Variants in VGLL3 observed in about 807,000 individuals in gnomAD.
VGLL3 encodes the protein transcription cofactor vestigial-like protein 3.
In VGLL3, 18 loss-of-function variants were observed where a neutral mutation model predicts 29.2. That is an observed-to-expected ratio of 0.62 (90% CI 0.43 to 0.91). The LOEUF is 0.91. VGLL3 is among the 40% of genes least tolerant of loss of function. VGLL3 has a pLI of 0.00. For missense variants in VGLL3, 440 were observed against 413.2 expected (o/e 1.06, Z -0.56); for synonymous variants, 180 against 151.8 (o/e 1.19, Z -1.36).
At chr3:86,962,625 A>G (rs188130947) in intron 3 of VGLL3, 15 of 917,490 alleles carry the variant, frequency 1.6e-5, no homozygotes, top group Middle Eastern at 5.6e-4. Context: ...AATTCAAAAA[A>G]TATAGAAATA....
chr3:86,962,220 C>T (rs1704864020), intron 3 of VGLL3: 2 of 985,284 alleles, frequency 2.0e-6, no homozygotes, highest in Non-Finnish European at 1.2e-6. Flanking sequence ...CCATACTGAT[C>T]ATTTCAAGGT....
intron 3 of VGLL3, among the ~76,000 whole-genome samples, chr3:86,955,850 A>G (rs1160303617): frequency 6.6e-6 from 1 of 152,222 alleles, no homozygotes; most frequent in Non-Finnish European, 1.5e-5. Flanking sequence ...AATAAACACT[A>G]TAACACATAC....
chr3:86,990,035 G>A (rs116482444), intron 1 of VGLL3, among the ~76,000 whole-genome samples: 1,858 of 152,260 alleles, frequency 0.012, 41 homozygotes, highest in African/African-American at 0.042. Flanking sequence ...ATTAAAAAAT[G>A]AATGAAGAAC....
chr3:86,988,360 A>G (rs1381780690), intron 1 of VGLL3, among the ~76,000 whole-genome samples: 3 of 152,006 alleles, frequency 2.0e-5, no homozygotes, highest in Non-Finnish European at 2.9e-5. Flanking sequence ...CTTCATGGAT[A>G]ATAATGATAA....
intron 2 of VGLL3, among the ~76,000 whole-genome samples, 165 bp from the exon 3 acceptor site, chr3:86,969,288 T>G (rs1350069090): frequency 6.6e-6 from 1 of 152,236 alleles, no homozygotes; most frequent in Non-Finnish European, 1.5e-5. Flanking sequence ...CAGGTTGGCC[T>G]CTGGGCTCGC....
rs1018884073 is a variant in VGLL3 at position 86,943,630 on chromosome 3, C to T, written c.*3394G>A. ...TTTGCTTAACAAAATAATATAAATA[C>T]TCTTAAGAAGAAAGAAAAAGGAGAG... is the stretch of plus-strand genomic sequence containing the variant. On this transcript the variant is annotated 3_prime_UTR_variant, in exon 4 of 4. Transcript: ENST00000398399. 1 of 151,830 alleles carries T rather than the reference C, an allele frequency of 6.6e-6. No homozygotes were observed. Among genetic ancestry groups the T allele is most frequent in the African/African-American group, 2.4e-5 (1 of 41,326 alleles). The allele number at this position is 151,830 out of a possible 1,614,324, so 9.4% of individuals were successfully genotyped here. A position where few individuals can be genotyped will look rare whatever the true frequency, so the allele number is the denominator to read the frequency against.
intron 3 of VGLL3, among the ~76,000 whole-genome samples, chr3:86,952,601 AGT>A (rs1387304794): frequency 2.0e-5 from 3 of 152,216 alleles, no homozygotes; most frequent in Non-Finnish European, 4.4e-5. Flanking sequence ...TGTATGGGTA[AGT>A]GTAAACTTTT....
chr3:86,970,483 G>GCACA (rs10694503), intron 2 of VGLL3, among the ~76,000 whole-genome samples: 34,324 of 140,988 alleles, frequency 0.24, 4,321 homozygotes, highest in Non-Finnish European at 0.3. Flanking sequence ...TTACACACAC[G>GCACA]CACACACACA....
intron 2 of VGLL3, among the ~76,000 whole-genome samples, chr3:86,971,909 CT>C (rs1705109107): frequency 6.6e-6 from 1 of 152,204 alleles, no homozygotes; most frequent in Non-Finnish European, 1.5e-5. Flanking sequence ...CTTCATTCTG[CT>C]CCTAACTTCC....
chr3:86,939,745 G>C lies in VGLL3; in HGVS notation c.*7279C>G, dbSNP rs1704354633. The C allele has an allele frequency of 6.6e-6, 1 of 152,282 alleles. No individual in the cohort carries two copies. Among genetic ancestry groups the C allele is most frequent in the African/African-American group, 2.4e-5 (1 of 41,454 alleles). The allele number at this position is 152,282 out of a possible 1,614,324, so 9.4% of individuals were successfully genotyped here. ...CACATGAGTCCTTAAATATGTAAGGGAGAGGAAGAAGAGGAAGTCAGTGAT... is the reference window on the plus strand; with the variant it reads ...CACATGAGTCCTTAAATATGTAAGGCAGAGGAAGAAGAGGAAGTCAGTGAT... On this transcript the variant is annotated 3_prime_UTR_variant, in exon 4 of 4. Transcript: ENST00000398399.
intron 3 of VGLL3, among the ~76,000 whole-genome samples, chr3:86,949,806 G>A (rs1470655505): frequency 1.5e-5 from 2 of 136,198 alleles, no homozygotes; most frequent in East Asian, 2.2e-4. Context: ...CAGCCTGGGT[G>A]ACAGAGCGAG....
At chr3:86,976,679 A>C (rs1705216963) in intron 2 of VGLL3, among the ~76,000 whole-genome samples, 1 of 152,216 alleles carries the variant, frequency 6.6e-6, no homozygotes. Flanking sequence ...GATGTGTTGT[A>C]GGGTTTCTGC....
chr3:86,976,518 G>A (rs1272464238), intron 2 of VGLL3, among the ~76,000 whole-genome samples: 1 of 152,178 alleles, frequency 6.6e-6, no homozygotes, highest in Non-Finnish European at 1.5e-5. Flanking sequence ...TAAAACAGGA[G>A]ACATATTTGA....
At chr3:86,956,045 G>A (rs971439025) in intron 3 of VGLL3, among the ~76,000 whole-genome samples, 1 of 152,178 alleles carries the variant, frequency 6.6e-6, no homozygotes, top group African/African-American at 2.4e-5. Context: ...AGAATAGTTA[G>A]GCAGCCTGAA....
At chr3:86,961,733 C>T (rs900329418) in intron 3 of VGLL3, among the ~76,000 whole-genome samples, 9 of 152,176 alleles carry the variant, frequency 5.9e-5, no homozygotes, top group Non-Finnish European at 1.0e-4. Flanking sequence ...GCCCCAACTA[C>T]CCTTGTTAAC....
At chr3:86,969,796 C>T (rs1355775668) in intron 2 of VGLL3, among the ~76,000 whole-genome samples, 1 of 151,880 alleles carries the variant, frequency 6.6e-6, no homozygotes, top group Non-Finnish European at 1.5e-5. Flanking sequence ...AAATGCCCAA[C>T]ATTTTTCCAG....
At chr3:86,960,335 A>G (rs558024767) in intron 3 of VGLL3, among the ~76,000 whole-genome samples, 21 of 152,262 alleles carry the variant, frequency 1.4e-4, no homozygotes, top group African/African-American at 4.6e-4. Context: ...TGTTTTTATG[A>G]TATCATCAGG....
intron 3 of VGLL3, among the ~76,000 whole-genome samples, chr3:86,967,962 T>C (rs1296300562): frequency 2.0e-5 from 3 of 151,948 alleles, no homozygotes; most frequent in Non-Finnish European, 4.4e-5. Context: ...AAGTCTTGTA[T>C]TATTTAAATC....
chr3:86,964,350 C>T lies in VGLL3; in HGVS notation c.937+4240G>A, dbSNP rs556510544. Among the ~76,000 whole-genome samples the T allele has an allele frequency of 3.3e-5, 5 of 152,214 alleles. No homozygotes were observed. The South Asian group carries it at 8.3e-4, about 25-fold the overall frequency. On this transcript the variant is annotated intron_variant, in intron 3 of 3. Transcript: ENST00000398399. ...AAATTTTGCTAACCCCTGGATTATG[C>T]CATACATGATATTATAAAACTTTCG... is the stretch of plus-strand genomic sequence containing the variant.
Sources: allele counts gnomAD v4.1 joint callset (sites outside exome capture counted in the v4.1 genomes callset), GRCh38; gene constraint gnomAD v4.1.1; transcripts MANE v1.5; gene names NCBI Gene and HGNC (gene_info 2026-07-23, HGNC 2026-07-21).